The following GPR107 variants were observed in gnomAD, a reference collection of about 807,000 sequenced individuals.
The protein encoded by GPR107 is G protein-coupled receptor 107, also known as protein GPR107.
Under a neutral mutation model 75.5 loss-of-function variants are expected in GPR107, and 31 were observed. The observed-to-expected ratio is 0.41, with a 90% CI of 0.31 to 0.55. GPR107 has a LOEUF of 0.55. Ranked by LOEUF, GPR107 falls within the 20% of genes least tolerant of loss-of-function variation. The pLI is 0.26. For synonymous variants in GPR107, 267 were observed against 251.3 expected (o/e 1.06, Z -0.59); for missense variants, 572 against 665.7 (o/e 0.86, Z 1.55).
intron 1 of GPR107, among the ~76,000 whole-genome samples, chr9:130,063,598 C>G (rs1228238359): frequency 6.6e-6 from 1 of 151,804 alleles, no homozygotes; most frequent in Admixed American, 6.6e-5. Flanking sequence ...TCAAACATGC[C>G]TTTTTTAGTG....
chr9:130,108,771 A>G (rs1418532569), intron 14 of GPR107: 2 of 455,786 alleles, frequency 4.4e-6, no homozygotes, highest in Non-Finnish European at 8.8e-6. Flanking sequence ...CCTCAAAGAT[A>G]CCAGGTTCCC....
At chr9:130,123,067 A>G (rs1333801588) in intron 14 of GPR107, among the ~76,000 whole-genome samples, 1 of 152,084 alleles carries the variant, frequency 6.6e-6, no homozygotes, top group African/African-American at 2.4e-5. Context: ...GTTTTTTGAG[A>G]CTGGGTTCCT....
chr9:130,106,736 C>T (rs374985708), intron 13 of GPR107, among the ~76,000 whole-genome samples: 1 of 151,956 alleles, frequency 6.6e-6, no homozygotes, highest in African/African-American at 2.4e-5. Context: ...AGCAGATAGC[C>T]CCTCTCACAG....
chr9:130,082,381 A>G (rs1423642154), intron 5 of GPR107, among the ~76,000 whole-genome samples: 4 of 150,972 alleles, frequency 2.6e-5, no homozygotes, highest in African/African-American at 4.9e-5. Flanking sequence ...TGCTCATATC[A>G]CCGTTCTCTG....
chr9:130,122,350 G>A (rs1564683692), intron 14 of GPR107, among the ~76,000 whole-genome samples: 1 of 152,150 alleles, frequency 6.6e-6, no homozygotes, highest in Non-Finnish European at 1.5e-5. Context: ...AGTATGAGCT[G>A]GTCATTTCAT....
At chr9:130,117,194 T>A (rs7030434) in intron 14 of GPR107, among the ~76,000 whole-genome samples, 148,200 of 152,242 alleles carry the variant, frequency 0.97, 72,168 homozygotes, top group East Asian at 1. Flanking sequence ...TGATCGGCGC[T>A]CCTCAGCCAC....
intron 14 of GPR107, among the ~76,000 whole-genome samples, chr9:130,114,051 A>AT (rs35152076): frequency 1.7e-3 from 134 of 81,202 alleles, no homozygotes; most frequent in Middle Eastern, 7.1e-3. Flanking sequence ...TTTTTTTTTC[A>AT]TTTTTTTTTT....
rs1412948379 is a variant in GPR107 at position 130,137,371 on chromosome 9, C to T, written c.*2250C>T. On this transcript the variant is annotated 3_prime_UTR_variant, in exon 18 of 18. Transcript: ENST00000347136. ...GATTCCACGCGTATGTCTGGGCTCACTCACAGCATGGCCGAGTGTCTGCAG... is the reference window on the plus strand; with the variant it reads ...GATTCCACGCGTATGTCTGGGCTCATTCACAGCATGGCCGAGTGTCTGCAG... 1 of 152,312 alleles carries T rather than the reference C, an allele frequency of 6.6e-6. No individual in the cohort carries two copies. 9.4% of individuals were successfully genotyped at this position (152,312 alleles called of 1,614,324 possible).
chr9:130,096,593 G>T (rs1356364670), intron 9 of GPR107, among the ~76,000 whole-genome samples: 1 of 147,120 alleles, frequency 6.8e-6, no homozygotes, highest in Admixed American at 7.0e-5. Flanking sequence ...TCAGCCTCCC[G>T]AGTAGCTGGG....
intron 1 of GPR107, among the ~76,000 whole-genome samples, chr9:130,071,169 A>G (rs1455904319): frequency 1.4e-5 from 2 of 148,080 alleles, no homozygotes; most frequent in Non-Finnish European, 3.0e-5. Context: ...CTGAATAGCT[A>G]GGATGCCACC....
intron 1 of GPR107, among the ~76,000 whole-genome samples, chr9:130,060,025 C>T: frequency 6.6e-6 from 1 of 151,788 alleles, no homozygotes. Flanking sequence ...CAGGCATGAG[C>T]CACCAGGCCC....
chr9:130,099,779 T>C (rs1456181309), intron 10 of GPR107, among the ~76,000 whole-genome samples: 1 of 122,326 alleles, frequency 8.2e-6, no homozygotes, highest in East Asian at 2.4e-4. Context: ...AGAACACTTA[T>C]TATTGTTTTT....
chr9:130,107,854 C>T (rs1265727522), intron 14 of GPR107, among the ~76,000 whole-genome samples: 1 of 152,132 alleles, frequency 6.6e-6, no homozygotes, highest in Non-Finnish European at 1.5e-5. Context: ...TTAGAAGGGC[C>T]AGATAACACT....
chr9:130,133,952 A>G (rs1174997996), intron 17 of GPR107, among the ~76,000 whole-genome samples: 1 of 152,160 alleles, frequency 6.6e-6, no homozygotes, highest in African/African-American at 2.4e-5. Flanking sequence ...CATGCACTCT[A>G]GATGGGTCAC....
chr9:130,091,001 A>G lies in GPR107; in HGVS notation c.729+18A>G. On this transcript the variant is annotated intron_variant, in intron 8 of 17. Coordinates refer to ENST00000347136, the MANE Select transcript of GPR107 (RefSeq NM_020960.5). ...GCCTTGATGTGAGTACTGTTTGGAG[A>G]TTGTTCTACGTGGATTTTGTCAGCA... 1 of 990,856 alleles carries G rather than the reference A, an allele frequency of 1.0e-6. No individual in the cohort carries two copies. The highest frequency in any genetic ancestry group is 1.6e-6 in the Non-Finnish European group (1 of 619,598). The allele number at this position is 990,856 out of a possible 1,614,324, so 61.4% of individuals were successfully genotyped here.
intron 13 of GPR107, among the ~76,000 whole-genome samples, chr9:130,107,176 G>A (rs898531942): frequency 6.6e-6 from 1 of 152,150 alleles, no homozygotes; most frequent in Admixed American, 6.5e-5. Flanking sequence ...CATTGTCATG[G>A]GAGTGTTGGG....
intron 2 of GPR107, among the ~76,000 whole-genome samples, chr9:130,076,088 T>C (rs1830342936): frequency 6.6e-6 from 1 of 152,198 alleles, no homozygotes; most frequent in Non-Finnish European, 1.5e-5. Flanking sequence ...CCCAGGGGTT[T>C]ACTCTTTTAG....
chr9:130,062,686 C>CTTCT (rs1829961748), intron 1 of GPR107, among the ~76,000 whole-genome samples: 9 of 146,244 alleles, frequency 6.2e-5, no homozygotes, highest in Admixed American at 5.6e-4. Context: ...TCCTTCCTTC[C>CTTCT]TTCCTTCCTT....
chr9:130,106,673 C>T (rs1831168771), intron 13 of GPR107, among the ~76,000 whole-genome samples: 1 of 151,980 alleles, frequency 6.6e-6, no homozygotes, highest in Non-Finnish European at 1.5e-5. Context: ...AGCATTGCTT[C>T]AGGGCCAGCA....
Sources: gnomAD v4.1 joint callset for allele counts (sites outside exome capture counted in the v4.1 genomes callset) on GRCh38, gnomAD v4.1.1 for gene constraint, MANE v1.5 for transcripts, NCBI Gene and HGNC (gene_info 2026-07-23, HGNC 2026-07-21) for gene names.